LEF1: variants seen among roughly 807,000 people sequenced by gnomAD.
LEF1 encodes the protein lymphoid enhancer-binding factor 1.
LEF1 carries 14 observed loss-of-function variants against 51.2 expected under a neutral mutation model. That is an observed-to-expected ratio of 0.27 (90% CI 0.18 to 0.43). The LOEUF (loss-of-function observed/expected upper bound fraction) is 0.43. Among genes scored for constraint, LEF1 ranks in the 20% least tolerant of loss-of-function variants. The probability of loss-of-function intolerance (pLI) is 1.00; values close to 1 mark genes in which losing one functional copy is unlikely to be tolerated. For missense variants in LEF1, 386 were observed against 512.0 expected, an observed-to-expected ratio of 0.75 and a Z score of 2.37; for synonymous variants, 185 against 183.2, an observed-to-expected ratio of 1.01 and a Z score of -0.08.
chr4:108,122,126 C>A (rs1312225638), intron 3 of LEF1, among the ~76,000 whole-genome samples: 4 of 152,210 alleles, frequency 2.6e-5, no homozygotes, highest in African/African-American at 7.2e-5. Context: ...TTGTTCAAAT[C>A]TTTTATAGCC....
intron 3 of LEF1, among the ~76,000 whole-genome samples, chr4:108,095,418 A>G (rs1025451140): frequency 6.6e-6 from 1 of 152,204 alleles, no homozygotes; most frequent in Non-Finnish European, 1.5e-5. Context: ...AGTAATAATT[A>G]GTGGAGAGAG....
chr4:108,119,993 ATGTGTG>A (rs34987010), intron 3 of LEF1, among the ~76,000 whole-genome samples: 40,507 of 149,122 alleles, frequency 0.27, 6,032 homozygotes, highest in East Asian at 0.55. Context: ...TATTTTATAT[ATGTGTG>A]TGTGTGTGTG....
intron 3 of LEF1, among the ~76,000 whole-genome samples, chr4:108,125,519 A>G (rs1156575467): frequency 6.6e-6 from 1 of 152,074 alleles, no homozygotes; most frequent in Non-Finnish European, 1.5e-5. Flanking sequence ...ATCCTTCCAC[A>G]TGCTATCATT....
rs745535222 is a variant in LEF1, at chr4:108,078,259, T to A, written c.969A>T (p.Leu323=). ...MRANVVAECT[L]KESAAINQIL... ...TCTGGTTGATAGCTGCACTTTCTTT[T>A]AGAGTACACTCAGCAACGACATTCG... The change falls in exon 8 of 12, where the codon CTA becomes CTT. Residue 323 remains leucine (L), a synonymous_variant. Transcript: ENST00000265165. 6.2e-7 allele frequency: 1 copy of A among 1,614,104 alleles called. No homozygotes were observed. Among genetic ancestry groups the A allele is most frequent in the East Asian group, 2.2e-5 (1 of 44,896 alleles).
At chr4:108,124,890 A>G (rs763901824) in intron 3 of LEF1, among the ~76,000 whole-genome samples, 1 of 152,188 alleles carries the variant, frequency 6.6e-6, no homozygotes, top group Admixed American at 6.5e-5. Context: ...AGGTATCACT[A>G]GGTTTGTTCC....
Position 108,048,676 on chromosome 4 carries a change from C to T in LEF1, c.*82G>A, listed in dbSNP as rs1001949056. ...CCGTGGAGACAGTCTGGGTTTTCAA[C>T]AAGCTTCCATCTCCAGAAGAGGTCC... On this transcript the variant is annotated 3_prime_UTR_variant, in exon 12 of 12. Coordinates refer to ENST00000265165, the MANE Select transcript of LEF1 (RefSeq NM_016269.5). 6.2e-6 allele frequency: 10 copies of T among 1,600,682 alleles called. No individual in the cohort carries two copies. Among genetic ancestry groups the T allele is most frequent in the African/African-American group, 2.7e-5 (2 of 74,394 alleles).
intron 8 of LEF1, among the ~76,000 whole-genome samples, chr4:108,077,235 G>A (rs1578313350): frequency 6.6e-6 from 1 of 152,228 alleles, no homozygotes; most frequent in African/African-American, 2.4e-5. Flanking sequence ...CAAGTGAGGA[G>A]CCCCTCTGCC....
chr4:108,051,724 C>T (rs1737004517), intron 11 of LEF1, among the ~76,000 whole-genome samples: 3 of 152,212 alleles, frequency 2.0e-5, no homozygotes, highest in Admixed American at 2.0e-4. Context: ...GACCCCACCC[C>T]ACCCCATATA....
At chr4:108,088,755 A>ATTTTAAAATTT (rs1202436400) in intron 4 of LEF1, among the ~76,000 whole-genome samples, 2 of 152,244 alleles carry the variant, frequency 1.3e-5, no homozygotes, top group Non-Finnish European at 2.9e-5. Context: ...TAAATCTCCT[A>ATTTTAAAATTT]CTTTCCCCAT....
In LEF1 at chr4:108,127,062, A is replaced by G. The variant is rs182075024; in HGVS notation, c.414+36506T>C. 4.6e-5 allele frequency among the ~76,000 whole-genome samples: 7 copies of G among 152,240 alleles called. No homozygotes were observed. The East Asian group carries it at 1.4e-3, about 29-fold the overall frequency. ...TACAGGGGTAATTATATGGCCAATG[A>G]GGGGCTAGAAGAATGCTTCTCAGGA... is the stretch of plus-strand genomic sequence containing the variant. On this transcript the variant is annotated intron_variant, in intron 3 of 11. Transcript: ENST00000265165.
intron 3 of LEF1, among the ~76,000 whole-genome samples, chr4:108,150,835 A>G (rs1744321512): frequency 6.6e-6 from 1 of 152,208 alleles, no homozygotes; most frequent in Admixed American, 6.5e-5. Context: ...AATGCATGTA[A>G]AGTACATCAT....
intron 3 of LEF1, among the ~76,000 whole-genome samples, chr4:108,158,493 A>T (rs1744868891): frequency 6.6e-6 from 1 of 152,122 alleles, no homozygotes; most frequent in Non-Finnish European, 1.5e-5. Context: ...CTCTACTTTT[A>T]CCTGGGAATA....
In LEF1 at chr4:108,048,653, G is replaced by T. The variant is rs557666621; in HGVS notation, c.*105C>A. The T allele has an allele frequency of 6.4e-7, 1 of 1,562,266 alleles. No individual in the cohort carries two copies. Among genetic ancestry groups the T allele is most frequent in the East Asian group, 2.3e-5 (1 of 43,562 alleles). ...TCCTTTGGGGTCGACTGGGCAGGCC[G>T]TGGAGACAGTCTGGGTTTTCAACAA... On this transcript the variant is annotated 3_prime_UTR_variant, in exon 12 of 12. Coordinates refer to ENST00000265165, the MANE Select transcript of LEF1 (RefSeq NM_016269.5).
chr4:108,062,896 G>A (rs1051096385), intron 11 of LEF1, among the ~76,000 whole-genome samples: 1 of 152,138 alleles, frequency 6.6e-6, no homozygotes, highest in African/African-American at 2.4e-5. Flanking sequence ...TACACACCCT[G>A]CTAATTTAAA....
intron 3 of LEF1, among the ~76,000 whole-genome samples, chr4:108,138,635 T>C (rs759431065): frequency 2.6e-5 from 4 of 152,232 alleles, no homozygotes; most frequent in Non-Finnish European, 5.9e-5. Context: ...GAAGAATATT[T>C]TTACTTAGCA....
chr4:108,048,938 T>C (rs1256464617), intron 11 of LEF1, among the ~76,000 whole-genome samples, 187 bp from the exon 12 acceptor site: 1 of 152,156 alleles, frequency 6.6e-6, no homozygotes, highest in Non-Finnish European at 1.5e-5. Flanking sequence ...ACAGAGTTAA[T>C]ATAGTGACAT....
intron 11 of LEF1, among the ~76,000 whole-genome samples, chr4:108,051,602 CGGCTGG>C (rs1437463710): frequency 6.6e-6 from 1 of 152,156 alleles, no homozygotes; most frequent in African/African-American, 2.4e-5. Context: ...TCTCCGGCTG[CGGCTGG>C]GCTTCAAAGG....
At position 108,157,446 on chromosome 4, in the gene LEF1, G is replaced by A. The variant is rs533539008; in HGVS notation, c.414+6122C>T. Among the ~76,000 whole-genome samples, 6 of 152,086 alleles carry A rather than the reference G, an allele frequency of 3.9e-5. No individual in the cohort carries two copies. The South Asian group carries it at 1.2e-3, about 32-fold the overall frequency. On this transcript the variant is annotated intron_variant, in intron 3 of 11. Coordinates refer to ENST00000265165, the MANE Select transcript of LEF1 (RefSeq NM_016269.5). Reference sequence around the variant, plus strand: ...TGACCTCAGGTGATCCACCTGCCTCGAGCAATAGGCAACTTTTTACAGGTG... The same window carrying A: ...TGACCTCAGGTGATCCACCTGCCTCAAGCAATAGGCAACTTTTTACAGGTG...
At chr4:108,138,392 A>G (rs1415201364) in intron 3 of LEF1, among the ~76,000 whole-genome samples, 1 of 152,184 alleles carries the variant, frequency 6.6e-6, no homozygotes, top group East Asian at 1.9e-4. Context: ...CAGATAAGGA[A>G]AGTGAGCATT....
Sources: allele counts gnomAD v4.1 joint callset (sites outside exome capture counted in the v4.1 genomes callset), GRCh38; gene constraint gnomAD v4.1.1; transcripts MANE v1.5; gene names NCBI Gene and HGNC (gene_info 2026-07-23, HGNC 2026-07-21).